Variants in CDH18 observed in about 807,000 individuals in gnomAD.
CDH18 encodes the protein cadherin 18.
A neutral mutation model predicts 67.9 loss-of-function variants in CDH18; 31 were observed. The observed-to-expected ratio is 0.46, with a 90% confidence interval of 0.34 to 0.62. The LOEUF is 0.62. Ranked by LOEUF, CDH18 falls within the 20% of genes least tolerant of loss-of-function variation. The pLI, the probability that CDH18 is intolerant of heterozygous loss-of-function variation, is 0.01. For synonymous variants in CDH18, 362 were observed against 347.2 expected (o/e 1.04, Z -0.48); for missense variants, 890 against 975.5 (o/e 0.91, Z 1.17).
chr5:20,106,646 C>A (rs1165021781), intron 2 of CDH18, among the ~76,000 whole-genome samples: 1 of 152,128 alleles, frequency 6.6e-6, no homozygotes, highest in Non-Finnish European at 1.5e-5. Context: ...GTAATACCTG[C>A]TGGGATTGTG....
At chr5:19,501,607 A>G (rs953252645) in intron 11 of CDH18, among the ~76,000 whole-genome samples, 1 of 152,110 alleles carries the variant, frequency 6.6e-6, no homozygotes, top group Non-Finnish European at 1.5e-5. Flanking sequence ...TGTAGGTTAA[A>G]CTGCTTGAAT....
At chr5:19,876,052 G>T (rs957341026) in intron 2 of CDH18, among the ~76,000 whole-genome samples, 8 of 151,988 alleles carry the variant, frequency 5.3e-5, no homozygotes, top group African/African-American at 1.9e-4. Context: ...TCCAGGTTTG[G>T]CTATAATTGC....
chr5:19,781,530 TA>T (rs775580242), intron 3 of CDH18, among the ~76,000 whole-genome samples: 76 of 152,314 alleles, frequency 5.0e-4, no homozygotes, highest in Non-Finnish European at 9.1e-4. Context: ...ATGTAAGAGT[TA>T]AAATTATTGA....
At chr5:19,876,590 T>C (rs764532519) in intron 2 of CDH18, among the ~76,000 whole-genome samples, 5 of 152,136 alleles carry the variant, frequency 3.3e-5, no homozygotes, top group Non-Finnish European at 7.4e-5. Context: ...GCCCTTGATT[T>C]GGGATATCTG....
chr5:20,110,435 C>G (rs1747363159), intron 2 of CDH18, among the ~76,000 whole-genome samples: 1 of 152,078 alleles, frequency 6.6e-6, no homozygotes, highest in African/African-American at 2.4e-5. Flanking sequence ...GTAATCCCAG[C>G]ACTTTGGGAG....
At chr5:19,638,436 T>C (rs1212521785) in intron 5 of CDH18, among the ~76,000 whole-genome samples, 1 of 152,228 alleles carries the variant, frequency 6.6e-6, no homozygotes, top group African/African-American at 2.4e-5. Flanking sequence ...TCTTTTCCCA[T>C]GTTATGTGGA....
At chr5:20,112,076 C>T (rs1747525729) in intron 2 of CDH18, among the ~76,000 whole-genome samples, 1 of 152,106 alleles carries the variant, frequency 6.6e-6, no homozygotes, top group African/African-American at 2.4e-5. Context: ...GTTAAGTTCA[C>T]ACACTTATTA....
At chr5:20,074,849 GTTA>G (rs1328456204) in intron 2 of CDH18, among the ~76,000 whole-genome samples, 1 of 151,918 alleles carries the variant, frequency 6.6e-6, no homozygotes, top group African/African-American at 2.4e-5. Context: ...CAAAGCCACA[GTTA>G]TTATCCATGT....
At chr5:19,479,513 T>A (rs545564070) in intron 12 of CDH18, among the ~76,000 whole-genome samples, 187 of 152,262 alleles carry the variant, frequency 1.2e-3, no homozygotes, top group Non-Finnish European at 2.0e-3. Context: ...AAAGCAAATA[T>A]TGCATTATAA....
chr5:19,647,462 A>G (rs1434050173), intron 5 of CDH18, among the ~76,000 whole-genome samples: 6 of 133,302 alleles, frequency 4.5e-5, no homozygotes, highest in African/African-American at 1.4e-4. Context: ...CCCGGGAGGT[A>G]GAGGTTGCAG....
At chr5:19,799,546 C>A (rs1425778559) in intron 3 of CDH18, among the ~76,000 whole-genome samples, 1 of 151,718 alleles carries the variant, frequency 6.6e-6, no homozygotes, top group African/African-American at 2.4e-5. Flanking sequence ...GTGGTGATGT[C>A]ATGGGTATAA....
chr5:19,759,975 A>C (rs954815214), intron 3 of CDH18, among the ~76,000 whole-genome samples: 4 of 152,100 alleles, frequency 2.6e-5, no homozygotes, highest in African/African-American at 9.7e-5. Context: ...TGCTTGTATA[A>C]ATTAAATAGG....
At chr5:20,087,314 T>C (rs1745045322) in intron 2 of CDH18, among the ~76,000 whole-genome samples, 1 of 152,162 alleles carries the variant, frequency 6.6e-6, no homozygotes, top group Admixed American at 6.5e-5. Flanking sequence ...GTGAAGATGA[T>C]GTGAACATTG....
chr5:19,620,252 A>T (rs898681800), intron 5 of CDH18, among the ~76,000 whole-genome samples: 3 of 152,206 alleles, frequency 2.0e-5, no homozygotes, highest in East Asian at 3.9e-4. Flanking sequence ...TTCTGTAGAG[A>T]ATGTGAATTA....
chr5:19,513,665 TTATCTTCTTTATTA>T (rs1186737544), intron 10 of CDH18, among the ~76,000 whole-genome samples: 1 of 152,150 alleles, frequency 6.6e-6, no homozygotes, highest in Non-Finnish European at 1.5e-5. Flanking sequence ...TTGCATTATT[TTATCTTCTTTATTA>T]TATGCATTTA....
chr5:20,528,269 C>A (rs1393740058), intron 1 of CDH18, among the ~76,000 whole-genome samples: 1 of 151,932 alleles, frequency 6.6e-6, no homozygotes, highest in Non-Finnish European at 1.5e-5. Context: ...AAAACAAGAC[C>A]TACAAAGAGA....
intron 2 of CDH18, among the ~76,000 whole-genome samples, chr5:20,066,096 T>A (rs1489917816): frequency 6.6e-6 from 1 of 151,978 alleles, no homozygotes; most frequent in African/African-American, 2.4e-5. Context: ...CTATGATAGA[T>A]CAAGTAACAA....
chr5:19,489,517 G>C (rs756429240), intron 11 of CDH18, among the ~76,000 whole-genome samples: 13 of 151,986 alleles, frequency 8.6e-5, no homozygotes, highest in Non-Finnish European at 1.6e-4. Context: ...ATAGTGCTGG[G>C]ATTACAGGTG....
chr5:20,139,287 G>C (rs188260283), intron 2 of CDH18, among the ~76,000 whole-genome samples: 40 of 152,086 alleles, frequency 2.6e-4, no homozygotes, highest in African/African-American at 8.9e-4. Flanking sequence ...AACTGGATCC[G>C]TTCCTTACAC....
Sources: allele counts gnomAD v4.1 joint callset (sites outside exome capture counted in the v4.1 genomes callset), GRCh38; gene constraint gnomAD v4.1.1; transcripts MANE v1.5; gene names NCBI Gene and HGNC (gene_info 2026-07-23, HGNC 2026-07-21).